Variants in SLC14A2 observed in about 807,000 individuals in gnomAD.
The protein encoded by SLC14A2 is urea transporter 2.
In SLC14A2, 91 loss-of-function variants were observed where a neutral mutation model predicts 104.6. The observed-to-expected ratio is 0.87, with a 90% CI of 0.73 to 1.04. The LOEUF (loss-of-function observed/expected upper bound fraction) is 1.04, where lower values mean the gene tolerates loss of function less well. SLC14A2 is among the 50% of genes least tolerant of loss of function. The pLI, the probability that SLC14A2 is intolerant of heterozygous loss-of-function variation, is 0.00. For synonymous variants in SLC14A2, 476 were observed against 466.4 expected, an observed-to-expected ratio of 1.02 and a Z score of -0.27; for missense variants, 1,189 against 1,156.0, an observed-to-expected ratio of 1.03 and a Z score of -0.41.
chr18:45,555,327 GT>G (rs765484117), intron 2 of SLC14A2, among the ~76,000 whole-genome samples: 8 of 152,236 alleles, frequency 5.3e-5, no homozygotes, highest in Non-Finnish European at 1.0e-4. Context: ...CTTAACAATG[GT>G]TTGACTTATG....
intron 1 of SLC14A2, among the ~76,000 whole-genome samples, chr18:45,232,308 T>A (rs2084182436): frequency 6.6e-6 from 1 of 151,946 alleles, no homozygotes; most frequent in Admixed American, 6.6e-5. Flanking sequence ...AAGGGAGAAG[T>A]GCCACACACT....
intron 1 of SLC14A2, among the ~76,000 whole-genome samples, chr18:45,439,902 A>G (rs926279000): frequency 2.6e-5 from 4 of 152,210 alleles, no homozygotes; most frequent in Non-Finnish European, 4.4e-5. Context: ...TGGAGACTCT[A>G]TGCTTTTTTT....
intron 2 of SLC14A2, among the ~76,000 whole-genome samples, chr18:45,563,951 C>A (rs1057240107): frequency 1.3e-5 from 2 of 152,188 alleles, no homozygotes; most frequent in African/African-American, 4.8e-5. Context: ...TTTTCTTTCA[C>A]AGCAACAAAT....
chr18:45,659,313 G>T (rs1247956166), intron 10 of SLC14A2, among the ~76,000 whole-genome samples: 1 of 152,204 alleles, frequency 6.6e-6, no homozygotes. Context: ...TTGGAGGTGA[G>T]GGGGTGGCAA....
At chr18:45,625,918 C>A in intron 3 of SLC14A2, 55 bp downstream of exon 3, 2 of 1,285,190 alleles carry the variant, frequency 1.6e-6, no homozygotes, top group Non-Finnish European at 2.0e-6. Flanking sequence ...AGAGAGACAA[C>A]CCTCTCTCCG....
chr18:45,274,361 G>C (rs985955360), intron 1 of SLC14A2, among the ~76,000 whole-genome samples: 1 of 152,168 alleles, frequency 6.6e-6, no homozygotes, highest in South Asian at 2.1e-4. Context: ...AAGCTGAAGG[G>C]TTTTTTTCTT....
chr18:45,205,647 C>A, the SLC14A2 span, among the ~76,000 whole-genome samples: 241 of 152,274 alleles, frequency 1.6e-3, no homozygotes, highest in Non-Finnish European at 2.6e-3. Context: ...AAGCTAAAAT[C>A]CTGTCACTAG....
Position 45,663,901 on chromosome 18 carries a change from A to G in SLC14A2, c.1468A>G (p.Ser490Gly), listed in dbSNP as rs1246358399. Residue 490 changes from serine to glycine, a missense_variant, in exon 11 of 20, where the codon AGC becomes GGC. Transcript: ENST00000255226. Reference sequence around the variant, plus strand: ...CGAGTGGTCATCCATTCGGAGGAGGAGCAAAGGTGTGCATGTCCTCCCCCT... The same window carrying G: ...CGAGTGGTCATCCATTCGGAGGAGGGGCAAAGGTGTGCATGTCCTCCCCCT... ...HIEWSSIRRR[S>G]KVFGKGEHQE... 1 of 1,612,040 alleles carries G rather than the reference A, an allele frequency of 6.2e-7. No individual in the cohort carries two copies. The highest frequency in any genetic ancestry group is 2.2e-5 in the East Asian group (1 of 44,810).
At chr18:45,563,786 A>G (rs968710886) in intron 2 of SLC14A2, among the ~76,000 whole-genome samples, 5 of 152,216 alleles carry the variant, frequency 3.3e-5, no homozygotes, top group African/African-American at 9.7e-5. Flanking sequence ...AAGCTGATCA[A>G]ATTTTGTACT....
At chr18:45,270,182 A>G (rs755004067) in intron 1 of SLC14A2, among the ~76,000 whole-genome samples, 5 of 152,152 alleles carry the variant, frequency 3.3e-5, no homozygotes, top group Non-Finnish European at 7.4e-5. Flanking sequence ...GTTGGACCCT[A>G]CTTGCCCTTA....
At chr18:45,239,379 A>C (rs2084288176) in intron 1 of SLC14A2, among the ~76,000 whole-genome samples, 2 of 152,338 alleles carry the variant, frequency 1.3e-5, no homozygotes, top group Admixed American at 1.3e-4. Context: ...AGGGATGTTG[A>C]GCTTTGCTTG....
At chr18:45,407,968 G>A (rs2086174544) in intron 1 of SLC14A2, among the ~76,000 whole-genome samples, 1 of 152,184 alleles carries the variant, frequency 6.6e-6, no homozygotes, top group South Asian at 2.1e-4. Flanking sequence ...CTGTAACACA[G>A]AGACATGAAG....
intron 2 of SLC14A2, among the ~76,000 whole-genome samples, chr18:45,505,507 C>T (rs2043268317): frequency 6.6e-6 from 1 of 152,202 alleles, no homozygotes. Flanking sequence ...CCAGCAGGAA[C>T]AATCACTCTT....
At chr18:45,325,766 G>A (rs2085228458) in intron 1 of SLC14A2, among the ~76,000 whole-genome samples, 1 of 152,110 alleles carries the variant, frequency 6.6e-6, no homozygotes, top group African/African-American at 2.4e-5. Flanking sequence ...TTGATCAATG[G>A]ATGCTAACCA....
intron 2 of SLC14A2, among the ~76,000 whole-genome samples, chr18:45,538,410 A>G (rs146244344): frequency 9.2e-5 from 14 of 152,280 alleles, no homozygotes; most frequent in African/African-American, 3.4e-4. Flanking sequence ...GTGAGGTTTC[A>G]GTTAAGCTAT....
chr18:45,512,864 G>A (rs2193636), intron 2 of SLC14A2, among the ~76,000 whole-genome samples: 86,296 of 151,996 alleles, frequency 0.57, 26,806 homozygotes, highest in Non-Finnish European at 0.69. Context: ...TCATTTCTCA[G>A]CAACCAGTAC....
upstream of SLC14A2, among the ~76,000 whole-genome samples, chr18:45,210,153 G>A (rs577282784): frequency 6.6e-6 from 1 of 152,360 alleles, no homozygotes; most frequent in African/African-American, 2.4e-5. Context: ...CTGCAAGACA[G>A]AAACATCCAG....
At chr18:45,254,899 C>T (rs1191794497) in intron 1 of SLC14A2, among the ~76,000 whole-genome samples, 1 of 152,144 alleles carries the variant, frequency 6.6e-6, no homozygotes, top group Non-Finnish European at 1.5e-5. Context: ...CCCAACCCTT[C>T]CCTGGGGCAG....
intron 1 of SLC14A2, chr18:45,483,041 G>T (rs926747042): frequency 6.6e-6 from 1 of 152,140 alleles, no homozygotes; most frequent in African/African-American, 2.4e-5. Context: ...GTGTTCCTGG[G>T]TTAACAGTAG....
Sources: gnomAD v4.1 joint callset for allele counts (sites outside exome capture counted in the v4.1 genomes callset) on GRCh38, gnomAD v4.1.1 for gene constraint, MANE v1.5 for transcripts, NCBI Gene and HGNC (gene_info 2026-07-23, HGNC 2026-07-21) for gene names.